The following RPH3A variants were observed in gnomAD, a reference collection of about 807,000 sequenced individuals.
RPH3A encodes rabphilin-3A.
RPH3A carries 48 observed loss-of-function variants against 102.2 expected under a neutral mutation model. The ratio of observed to expected loss-of-function variants is 0.47; its 90% CI spans 0.37 to 0.60. RPH3A has a LOEUF of 0.60. Among genes scored for constraint, RPH3A ranks in the 20% least tolerant of loss-of-function variants. The pLI is 0.00. For missense variants in RPH3A, 781 were observed against 910.1 expected (o/e 0.86, Z 1.83); for synonymous variants, 310 against 324.3 (o/e 0.96, Z 0.47).
At chr12:112,813,962 G>T (rs1428523627) in intron 2 of RPH3A, among the ~76,000 whole-genome samples, 1 of 151,896 alleles carries the variant, frequency 6.6e-6, no homozygotes, top group African/African-American at 2.4e-5. Context: ...GTGTGTGTGT[G>T]TGTGTATAGT....
intron 4 of RPH3A, among the ~76,000 whole-genome samples, chr12:112,841,173 TAAAAAA>T (rs11447068): frequency 6.0e-5 from 2 of 33,370 alleles, no homozygotes; most frequent in East Asian, 1.1e-3. Flanking sequence ...CCTTGTTTCT[TAAAAAA>T]AAAAAAAAAA....
At chr12:112,645,631 T>C (rs77055203) in intron 1 of RPH3A, among the ~76,000 whole-genome samples, 175 of 152,322 alleles carry the variant, frequency 1.1e-3, no homozygotes, top group Non-Finnish European at 2.0e-3. Context: ...ATTTCGTCTT[T>C]CTACTCCATC....
intron 1 of RPH3A, among the ~76,000 whole-genome samples, chr12:112,767,181 A>G (rs1041604302): frequency 6.6e-6 from 1 of 152,112 alleles, no homozygotes; most frequent in Non-Finnish European, 1.5e-5. Flanking sequence ...TGGCCCAGAG[A>G]ACTTTTTAAG....
At chr12:112,590,741 A>G (rs1368165273) in intron 1 of RPH3A, among the ~76,000 whole-genome samples, 1 of 152,238 alleles carries the variant, frequency 6.6e-6, no homozygotes, top group African/African-American at 2.4e-5. Flanking sequence ...CCAGATTTCC[A>G]CTTCTCTTAA....
At chr12:112,597,471 A>C (rs2039525764) in intron 1 of RPH3A, among the ~76,000 whole-genome samples, 1 of 152,078 alleles carries the variant, frequency 6.6e-6, no homozygotes. Flanking sequence ...TGTAGCCCCA[A>C]GGCTGGGAGT....
intron 1 of RPH3A, among the ~76,000 whole-genome samples, chr12:112,772,277 A>AGTT (rs60030995): frequency 0.44 from 66,521 of 151,732 alleles, 14,872 homozygotes; most frequent in East Asian, 0.69. Context: ...CTCAGGGATG[A>AGTT]GTTGCTGATG....
chr12:112,609,512 G>C (rs1190232811), intron 1 of RPH3A, among the ~76,000 whole-genome samples: 1 of 152,096 alleles, frequency 6.6e-6, no homozygotes, highest in African/African-American at 2.4e-5. Context: ...CCTATTGTTT[G>C]GTTTGCCTTC....
At chr12:112,809,183 A>C (rs947508965) in intron 2 of RPH3A, among the ~76,000 whole-genome samples, 1 of 152,194 alleles carries the variant, frequency 6.6e-6, no homozygotes, top group Admixed American at 6.5e-5. Context: ...CAACAAAATC[A>C]TGAGGCTTAA....
intron 4 of RPH3A, 147 bp from the exon 5 acceptor site, chr12:112,847,549 A>G (rs1283388154): frequency 1.9e-5 from 16 of 820,708 alleles, no homozygotes; most frequent in Non-Finnish European, 3.0e-5. Flanking sequence ...AGAGGGAAGT[A>G]TGTGTGTCCC....
chr12:112,858,170 G>C (rs556887258), intron 5 of RPH3A, among the ~76,000 whole-genome samples: 1 of 148,354 alleles, frequency 6.7e-6, no homozygotes, highest in Admixed American at 6.8e-5. Context: ...GAAAGGCTGA[G>C]GTGGGAAGTT....
chr12:112,638,224 ACC>A lies in RPH3A; in HGVS notation c.-140+62906_-140+62907del, dbSNP rs2039861554. Among the ~76,000 whole-genome samples the A allele has an allele frequency of 2.0e-5, 3 of 152,110 alleles. No individual in the cohort carries two copies. The South Asian group carries it at 6.2e-4, about 32-fold the overall frequency. On this transcript the variant is annotated intron_variant, in intron 1 of 21. Coordinates refer to the RPH3A transcript ENST00000543106. Reference sequence around the variant, plus strand: ...ACACGCCAGCTCCCCTTTGCCTTCTACCATGAGTGGAAACAACCTGAGGCTTT... The same window carrying A: ...ACACGCCAGCTCCCCTTTGCCTTCTAATGAGTGGAAACAACCTGAGGCTTT...
chr12:112,619,395 C>T (rs570553096), intron 1 of RPH3A, among the ~76,000 whole-genome samples: 17 of 152,052 alleles, frequency 1.1e-4, no homozygotes, highest in Admixed American at 5.9e-4. Flanking sequence ...AAGTGATTCT[C>T]GTGCCTCAGC....
intron 1 of RPH3A, among the ~76,000 whole-genome samples, chr12:112,773,999 C>T (rs1039362118): frequency 9.7e-5 from 14 of 144,786 alleles, no homozygotes; most frequent in Admixed American, 4.4e-4. Context: ...GCAGGACAAT[C>T]GCTTGAGCCC....
intron 1 of RPH3A, chr12:112,650,763 T>G (rs2039968553): frequency 6.6e-6 from 1 of 151,356 alleles, no homozygotes; most frequent in Non-Finnish European, 1.5e-5. Context: ...AGGGTCTCGC[T>G]CTGTCACCCA....
chr12:112,618,435 C>T (rs914183783), intron 1 of RPH3A, among the ~76,000 whole-genome samples: 3 of 152,116 alleles, frequency 2.0e-5, no homozygotes, highest in Non-Finnish European at 4.4e-5. Context: ...AAAGATGACC[C>T]TCCCCCTTAG....
At chr12:112,892,045 G>T (rs1207288911) in intron 19 of RPH3A, among the ~76,000 whole-genome samples, 1 of 152,224 alleles carries the variant, frequency 6.6e-6, no homozygotes, top group Non-Finnish European at 1.5e-5. Flanking sequence ...AAATGAGATA[G>T]CACAAAGAAA....
At chr12:112,641,195 G>A (rs1352633107) in intron 1 of RPH3A, among the ~76,000 whole-genome samples, 4 of 152,174 alleles carry the variant, frequency 2.6e-5, no homozygotes, top group Non-Finnish European at 5.9e-5. Context: ...TCTGCTGCTT[G>A]CAGTCAGCCT....
rs2041914036 is a variant in RPH3A at position 112,828,314 on chromosome 12, C to T, written c.-5C>T. ...GATGTTTTCCAGGAGCACTAGACAT[C>T]TACTATGACTGACACCGTGTTCAGC... On this transcript the variant is annotated 5_prime_UTR_variant, in exon 3 of 22. Transcript: ENST00000389385. 3.0e-5 allele frequency: 49 copies of T among 1,610,816 alleles called. No homozygotes were observed. Among genetic ancestry groups the T allele is most frequent in the Non-Finnish European group, 4.2e-5 (49 of 1,178,092 alleles).
intron 1 of RPH3A, among the ~76,000 whole-genome samples, chr12:112,719,301 A>G (rs1013144305): frequency 1.4e-4 from 22 of 152,194 alleles, no homozygotes; most frequent in African/African-American, 5.3e-4. Flanking sequence ...ATGAGAAGGC[A>G]TTCAATAAAG....
Sources: allele counts gnomAD v4.1 joint callset (sites outside exome capture counted in the v4.1 genomes callset), GRCh38; gene constraint gnomAD v4.1.1; transcripts MANE v1.5; gene names NCBI Gene and HGNC (gene_info 2026-07-23, HGNC 2026-07-21).